The following INPP4B variants were observed in gnomAD, a reference collection of about 807,000 sequenced individuals.
INPP4B encodes the protein inositol polyphosphate 4-phosphatase type II.
INPP4B carries 55 observed loss-of-function variants against 122.5 expected under a neutral mutation model. The ratio of observed to expected loss-of-function variants is 0.45; its 90% CI spans 0.36 to 0.56. The LOEUF is 0.56. INPP4B is among the 20% of genes least tolerant of loss of function. The probability of loss-of-function intolerance (pLI) is 0.00; values close to 1 mark genes in which losing one functional copy is unlikely to be tolerated. For synonymous variants in INPP4B, 403 were observed against 388.7 expected (o/e 1.04, Z -0.43); for missense variants, 1,000 against 1,097.7 (o/e 0.91, Z 1.26).
At chr4:142,341,152 A>C (rs1306999589) in intron 7 of INPP4B, among the ~76,000 whole-genome samples, 1 of 152,186 alleles carries the variant, frequency 6.6e-6, no homozygotes, top group African/African-American at 2.4e-5. Context: ...CTCTCCTTTG[A>C]CTTCACTGAA....
In INPP4B at chr4:142,327,854, T is replaced by A. The variant is rs571162709; in HGVS notation, c.373-13092A>T. 2.0e-5 allele frequency among the ~76,000 whole-genome samples: 3 copies of A among 152,308 alleles called. No homozygotes were observed. The East Asian group carries it at 5.8e-4, about 29-fold the overall frequency. Reference sequence around the variant, plus strand: ...AGAGAAGTTAACTTTCTTCCCAGGTTATGTGGCTAGTAAGTGGAGGAGGGA... The same window carrying A: ...AGAGAAGTTAACTTTCTTCCCAGGTAATGTGGCTAGTAAGTGGAGGAGGGA... On this transcript the variant is annotated intron_variant, in intron 7 of 25. Coordinates refer to ENST00000262992, the MANE Select transcript of INPP4B (RefSeq NM_001101669.3).
Position 142,024,653 on chromosome 4 carries a change from GT to G in INPP4B, c.*4128del, listed in dbSNP as rs1736477285. 6.6e-6 allele frequency: 1 copy of G among 152,092 alleles called. No homozygotes were observed. Among genetic ancestry groups the G allele is most frequent in the African/African-American group, 2.4e-5 (1 of 41,432 alleles). The allele number at this position is 152,092 out of a possible 1,614,324, so 9.4% of individuals were successfully genotyped here. ...TTAGCATAGTGCCAGAGTGTAATTT[GT>G]TTAATGTAACAGTTTTGGTTTCAAT... On this transcript the variant is annotated 3_prime_UTR_variant, in exon 26 of 26. Coordinates refer to ENST00000262992, the MANE Select transcript of INPP4B (RefSeq NM_001101669.3).
intron 7 of INPP4B, among the ~76,000 whole-genome samples, chr4:142,394,821 T>A (rs1422409895): frequency 2.0e-5 from 3 of 152,200 alleles, no homozygotes; most frequent in African/African-American, 7.2e-5. Flanking sequence ...TGCAATCTCA[T>A]TTGTTTATTT....
rs1267794664 is a variant in INPP4B, at chr4:142,559,628, TAG to T, written c.-190-96904_-190-96903del. On this transcript the variant is annotated intron_variant, in intron 2 of 25. Coordinates refer to ENST00000262992, the MANE Select transcript of INPP4B (RefSeq NM_001101669.3). ...TTTTATCAATATTGTGATTTAATTT[TAG>T]AGTGTCACCCACACTTCTACACATA... 5.9e-5 allele frequency among the ~76,000 whole-genome samples: 9 copies of T among 152,170 alleles called. No homozygotes were observed. In the South Asian group the frequency reaches 6.2e-4, roughly 11 times the overall value.
chr4:142,110,242 T>C (rs1292679838), intron 22 of INPP4B, among the ~76,000 whole-genome samples: 1 of 152,020 alleles, frequency 6.6e-6, no homozygotes, highest in East Asian at 1.9e-4. Flanking sequence ...TGTGAGCATA[T>C]AGGGAGAATG....
At chr4:142,126,699 G>A (rs1211940198) in intron 18 of INPP4B, among the ~76,000 whole-genome samples, 2 of 151,946 alleles carry the variant, frequency 1.3e-5, no homozygotes, top group Admixed American at 1.3e-4. Context: ...TGTGAACAAT[G>A]GTTCAATTTA....
At chr4:142,532,685 CAG>C (rs1357362245) in intron 2 of INPP4B, among the ~76,000 whole-genome samples, 1 of 151,904 alleles carries the variant, frequency 6.6e-6, no homozygotes, top group African/African-American at 2.4e-5. Context: ...TATTCAAAAA[CAG>C]AATAAGTAAA....
chr4:142,323,491 G>T (rs554198671), intron 7 of INPP4B, among the ~76,000 whole-genome samples: 442 of 148,768 alleles, frequency 3.0e-3, no homozygotes, highest in African/African-American at 0.01. Flanking sequence ...TGTCGCCCAG[G>T]CTGGAGTGCA....
intron 1 of INPP4B, among the ~76,000 whole-genome samples, chr4:142,826,619 C>G (rs1181887956): frequency 3.3e-5 from 5 of 151,912 alleles, no homozygotes; most frequent in African/African-American, 4.8e-5. Flanking sequence ...TGAACAAGTT[C>G]TGCCTCTCTG....
chr4:142,123,241 T>A, intron 20 of INPP4B, 51 bp downstream of exon 20: 1 of 1,429,002 alleles, frequency 7.0e-7, no homozygotes, highest in Non-Finnish European at 9.4e-7. Context: ...CTGGATTAAA[T>A]GTCCTTCTGA....
chr4:142,418,488 G>T (rs1806209935), intron 5 of INPP4B, among the ~76,000 whole-genome samples: 1 of 152,014 alleles, frequency 6.6e-6, no homozygotes, highest in Admixed American at 6.6e-5. Flanking sequence ...AGTATGACAA[G>T]AAATTTTTTT....
chr4:142,787,342 T>C (rs76329439), intron 1 of INPP4B, among the ~76,000 whole-genome samples: 3,631 of 152,210 alleles, frequency 0.024, 60 homozygotes, highest in Middle Eastern at 0.096. Flanking sequence ...TGTGGAAGTG[T>C]GTTTCTTATA....
intron 22 of INPP4B, among the ~76,000 whole-genome samples, chr4:142,111,011 T>C (rs1216784480): frequency 1.3e-5 from 2 of 152,126 alleles, no homozygotes; most frequent in Admixed American, 1.3e-4. Context: ...CCAAGTTGTA[T>C]AGTTCATGCT....
At chr4:142,048,446 T>A (rs6819549) in intron 25 of INPP4B, among the ~76,000 whole-genome samples, 1 of 152,146 alleles carries the variant, frequency 6.6e-6, no homozygotes, top group African/African-American at 2.4e-5. Flanking sequence ...CCCCAGTTCA[T>A]ACCTATTGTC....
At chr4:142,623,272 G>A (rs928993291) in intron 2 of INPP4B, among the ~76,000 whole-genome samples, 6 of 151,864 alleles carry the variant, frequency 4.0e-5, no homozygotes. Flanking sequence ...CTCCCTAACA[G>A]GGTGGTGAAA....
chr4:142,278,567 A>C (rs28584886), intron 9 of INPP4B, among the ~76,000 whole-genome samples: 23,219 of 151,794 alleles, frequency 0.15, 2,327 homozygotes, highest in African/African-American at 0.28. Context: ...CTCTGATTGG[A>C]GAAGCTATGA....
intron 21 of INPP4B, among the ~76,000 whole-genome samples, chr4:142,121,074 T>C (rs1199846462): frequency 6.6e-6 from 1 of 152,118 alleles, no homozygotes; most frequent in Non-Finnish European, 1.5e-5. Flanking sequence ...GTGATATAAG[T>C]GTTAGTGTTT....
At chr4:142,115,990 A>G (rs557361059) in intron 21 of INPP4B, among the ~76,000 whole-genome samples, 60 of 152,228 alleles carry the variant, frequency 3.9e-4, no homozygotes, top group Middle Eastern at 3.4e-3. Context: ...ATGGAAAACA[A>G]AAAAAGGCAG....
At chr4:142,274,390 C>A (rs1278517409) in intron 9 of INPP4B, among the ~76,000 whole-genome samples, 1 of 151,728 alleles carries the variant, frequency 6.6e-6, no homozygotes, top group Non-Finnish European at 1.5e-5. Flanking sequence ...AGCACTCAAA[C>A]CCCATGCTCT....
Sources: allele counts gnomAD v4.1 joint callset (sites outside exome capture counted in the v4.1 genomes callset), GRCh38; gene constraint gnomAD v4.1.1; transcripts MANE v1.5; gene names NCBI Gene and HGNC (gene_info 2026-07-23, HGNC 2026-07-21).